The following RANBP9 variants were observed in gnomAD, a reference collection of about 807,000 sequenced individuals.
RANBP9 encodes RAN binding protein 9.
In RANBP9, 15 loss-of-function variants were observed where a neutral mutation model predicts 84.3. The ratio of observed to expected loss-of-function variants is 0.18; its 90% confidence interval spans 0.12 to 0.27. The LOEUF (loss-of-function observed/expected upper bound fraction) is 0.27. RANBP9 is among the 10% of genes least tolerant of loss of function. RANBP9 has a pLI of 1.00. For synonymous variants in RANBP9, 392 were observed against 349.6 expected (o/e 1.12, Z -1.35); for missense variants, 809 against 912.8 (o/e 0.89, Z 1.46).
chr6:13,664,379 A>G (rs1765600752), intron 2 of RANBP9, among the ~76,000 whole-genome samples: 1 of 152,140 alleles, frequency 6.6e-6, no homozygotes, highest in African/African-American at 2.4e-5. Context: ...TATCATGTCT[A>G]CGAATTGGGC....
At chr6:13,674,240 CAA>C (rs1333611338) in intron 2 of RANBP9, among the ~76,000 whole-genome samples, 2 of 151,914 alleles carry the variant, frequency 1.3e-5, no homozygotes, top group Non-Finnish European at 2.9e-5. Context: ...CAAGAGTGAA[CAA>C]AAAGACCCAA....
At chr6:13,624,575 C>T (rs1452298827) in intron 13 of RANBP9, among the ~76,000 whole-genome samples, 1 of 152,114 alleles carries the variant, frequency 6.6e-6, no homozygotes, top group Non-Finnish European at 1.5e-5. Flanking sequence ...TGTAAACAAT[C>T]GACCCTATCA....
chr6:13,688,057 C>G lies in RANBP9; in HGVS notation c.683+8728G>C, dbSNP rs542945047. On this transcript the variant is annotated intron_variant, in intron 2 of 13. Transcript: ENST00000011619. ...CTTTTTTCAGAGCAGCATCAAGCTACCTTGAGTTTGCTTCACACCAGGTAC... is the reference window on the plus strand; with the variant it reads ...CTTTTTTCAGAGCAGCATCAAGCTAGCTTGAGTTTGCTTCACACCAGGTAC... Among the ~76,000 whole-genome samples the G allele has an allele frequency of 2.6e-3, 393 of 152,308 alleles. 1 individual carries two copies. The highest frequency in any genetic ancestry group is 4.3e-3 in the Non-Finnish European group (291 of 68,016).
intron 1 of RANBP9, among the ~76,000 whole-genome samples, chr6:13,703,029 T>C (rs985875741): frequency 6.6e-6 from 1 of 152,210 alleles, no homozygotes; most frequent in African/African-American, 2.4e-5. Context: ...GGGAGGCTGT[T>C]TGAGACAGTG....
At chr6:13,692,059 C>T (rs989038995) in intron 2 of RANBP9, among the ~76,000 whole-genome samples, 6 of 152,210 alleles carry the variant, frequency 3.9e-5, no homozygotes, top group African/African-American at 1.4e-4. Context: ...CCATACTTTA[C>T]AAAGATGTTG....
At chr6:13,686,387 G>A (rs1366089432) in intron 2 of RANBP9, among the ~76,000 whole-genome samples, 2 of 151,956 alleles carry the variant, frequency 1.3e-5, no homozygotes, top group Admixed American at 6.6e-5. Context: ...CCAGGTTCAA[G>A]GGATTCTCCT....
At chr6:13,706,531 A>G (rs2113372394) in intron 1 of RANBP9, among the ~76,000 whole-genome samples, 1 of 151,314 alleles carries the variant, frequency 6.6e-6, no homozygotes, top group East Asian at 2.0e-4. Context: ...CCCCTCTACT[A>G]AAAATACAAA....
At chr6:13,685,511 G>A (rs190476481) in intron 2 of RANBP9, among the ~76,000 whole-genome samples, 71 of 152,112 alleles carry the variant, frequency 4.7e-4, no homozygotes, top group South Asian at 2.1e-4. Context: ...AGTTTACAGT[G>A]AGCTATGGTT....
At chr6:13,660,092 G>A (rs1554224022) in intron 2 of RANBP9, among the ~76,000 whole-genome samples, 1 of 152,166 alleles carries the variant, frequency 6.6e-6, no homozygotes, top group Non-Finnish European at 1.5e-5. Context: ...CAGCTGGACA[G>A]CCACAATAAC....
chr6:13,651,757 T>C (rs781437050), intron 5 of RANBP9, among the ~76,000 whole-genome samples: 3 of 152,070 alleles, frequency 2.0e-5, no homozygotes, highest in Non-Finnish European at 4.4e-5. Flanking sequence ...AGTCCTATCA[T>C]GACAAATAAA....
intron 2 of RANBP9, among the ~76,000 whole-genome samples, chr6:13,692,858 A>G (rs1006477714): frequency 6.6e-6 from 1 of 152,216 alleles, no homozygotes; most frequent in Non-Finnish European, 1.5e-5. Flanking sequence ...GTCTCAAAAC[A>G]AAACAAACAA....
At chr6:13,644,432 A>G in intron 6 of RANBP9, 113 bp downstream of exon 6, 1 of 980,380 alleles carries the variant, frequency 1.0e-6, no homozygotes, top group Non-Finnish European at 1.5e-6. Context: ...AATATAATAG[A>G]TATGTCAGTA....
At chr6:13,695,396 C>T (rs949353218) in intron 2 of RANBP9, among the ~76,000 whole-genome samples, 3 of 120,978 alleles carry the variant, frequency 2.5e-5, no homozygotes, top group Non-Finnish European at 5.1e-5. Context: ...AACCACCAAC[C>T]AAATGTTTTT....
intron 2 of RANBP9, among the ~76,000 whole-genome samples, chr6:13,674,740 T>TAAA (rs1562313953): frequency 1.2e-4 from 19 of 152,316 alleles, no homozygotes; most frequent in Admixed American, 3.3e-4. Context: ...CCAATACATA[T>TAAA]TAAGGGCTGT....
intron 2 of RANBP9, among the ~76,000 whole-genome samples, chr6:13,662,726 A>T (rs1222424820): frequency 6.6e-6 from 1 of 152,226 alleles, no homozygotes. Flanking sequence ...TGAGCAATAA[A>T]TGTATGCTGT....
intron 1 of RANBP9, among the ~76,000 whole-genome samples, chr6:13,697,714 T>G (rs1388996426): frequency 6.6e-6 from 1 of 152,170 alleles, no homozygotes; most frequent in African/African-American, 2.4e-5. Flanking sequence ...AGAGAAAATA[T>G]GTCCACAAAA....
chr6:13,703,607 T>C (rs564569043), intron 1 of RANBP9, among the ~76,000 whole-genome samples: 73 of 152,346 alleles, frequency 4.8e-4, no homozygotes, highest in African/African-American at 1.7e-3. Context: ...ATTGAAAAGC[T>C]CTGCCCAACT....
intron 10 of RANBP9, among the ~76,000 whole-genome samples, 180 bp from the exon 11 acceptor site, chr6:13,634,732 T>A (rs933541535): frequency 1.3e-5 from 2 of 152,208 alleles, no homozygotes; most frequent in African/African-American, 4.8e-5. Context: ...TCGCTGACTT[T>A]TAACAAATTT....
At chr6:13,637,696 T>G in intron 10 of RANBP9, 112 bp downstream of exon 10, 1 of 1,129,232 alleles carries the variant, frequency 8.9e-7, no homozygotes, top group South Asian at 2.0e-5. Flanking sequence ...GCTTAAGAAC[T>G]CCCAGAGCCC....
Sources: allele counts gnomAD v4.1 joint callset (sites outside exome capture counted in the v4.1 genomes callset), GRCh38; gene constraint gnomAD v4.1.1; transcripts MANE v1.5; gene names NCBI Gene and HGNC (gene_info 2026-07-23, HGNC 2026-07-21).